The following LINGO2 variants were observed in gnomAD, a reference collection of about 807,000 sequenced individuals.
LINGO2 encodes leucine-rich repeat and immunoglobulin-like domain-containing nogo receptor-interacting protein 2.
Under a neutral mutation model 30.6 loss-of-function variants are expected in LINGO2, and 14 were observed. The ratio of observed to expected loss-of-function variants is 0.46; its 90% CI spans 0.30 to 0.72. The LOEUF (loss-of-function observed/expected upper bound fraction) is 0.72. Among genes scored for constraint, LINGO2 ranks in the 30% least tolerant of loss-of-function variants. The pLI is 0.07. For missense variants in LINGO2, 729 were observed against 751.7 expected, an observed-to-expected ratio of 0.97 and a Z score of 0.35; for synonymous variants, 317 against 288.5, an observed-to-expected ratio of 1.10 and a Z score of -1.00.
chr9:28,002,934 T>G (rs1055625930), intron 5 of LINGO2, among the ~76,000 whole-genome samples: 2 of 152,142 alleles, frequency 1.3e-5, no homozygotes, highest in African/African-American at 4.8e-5. Flanking sequence ...TGCCCTACAA[T>G]GGGATGGCAT....
the LINGO2 span, among the ~76,000 whole-genome samples, chr9:29,010,949 G>C: frequency 1.2e-4 from 18 of 152,228 alleles, no homozygotes; most frequent in African/African-American, 4.3e-4. Context: ...GTGTGATTCT[G>C]AGGCCGAACT....
chr9:28,305,947 T>C (rs1023010464), intron 3 of LINGO2, among the ~76,000 whole-genome samples: 2 of 152,088 alleles, frequency 1.3e-5, no homozygotes, highest in Admixed American at 1.3e-4. Flanking sequence ...AAAAGATCTC[T>C]CTCTAAATCA....
the LINGO2 span, among the ~76,000 whole-genome samples, chr9:28,731,220 C>T: frequency 6.6e-6 from 1 of 152,038 alleles, no homozygotes; most frequent in Admixed American, 6.5e-5. Flanking sequence ...AACTCCCAAC[C>T]TCAGGCGATC....
the LINGO2 span, among the ~76,000 whole-genome samples, chr9:29,117,361 G>C: frequency 6.6e-6 from 1 of 152,150 alleles, no homozygotes; most frequent in African/African-American, 2.4e-5. Context: ...GTGTAAGCAC[G>C]TATTTCCACC....
chr9:29,183,776 A>C, the LINGO2 span, among the ~76,000 whole-genome samples: 2 of 151,160 alleles, frequency 1.3e-5, no homozygotes, highest in Non-Finnish European at 2.9e-5. Context: ...TAGCTGTTTG[A>C]GATGCTACAC....
In LINGO2 at chr9:28,148,825, G is replaced by T. The variant is rs927241600; in HGVS notation, c.-86-136420C>A. 17 of 1,533,710 alleles carry T rather than the reference G, an allele frequency of 1.1e-5. No individual in the cohort carries two copies. The African/African-American group carries it at 2.2e-4, about 20-fold the overall frequency. ...GGCCAGAGAAGGCGGCCTTGAAGGT[G>T]CTGGGTAAAGACCACCTGCCCAGCT... On this transcript the variant is annotated intron_variant, in intron 4 of 5. Coordinates refer to ENST00000379992, the Ensembl canonical transcript of LINGO2. This position sits in a 1 kb window ranked among gnomAD's most constrained non-coding sequence, Gnocchi z 5.1.
intron 1 of LINGO2, among the ~76,000 whole-genome samples, chr9:28,624,485 T>A (rs1038413335): frequency 6.6e-6 from 1 of 152,140 alleles, no homozygotes; most frequent in Non-Finnish European, 1.5e-5. Context: ...GATTTGCGTA[T>A]GTTAAGACAT....
At chr9:29,018,350 G>T in the LINGO2 span, among the ~76,000 whole-genome samples, 2 of 151,656 alleles carry the variant, frequency 1.3e-5, no homozygotes, top group African/African-American at 4.8e-5. Flanking sequence ...CACCTATTTG[G>T]TATTATGCTC....
the LINGO2 span, among the ~76,000 whole-genome samples, chr9:28,695,255 A>C: frequency 1.3e-5 from 2 of 151,930 alleles, no homozygotes; most frequent in Non-Finnish European, 2.9e-5. Context: ...TTAAGTGATA[A>C]ACATATAAAG....
intron 4 of LINGO2, among the ~76,000 whole-genome samples, chr9:28,161,347 G>T (rs1828279791): frequency 6.6e-6 from 1 of 152,044 alleles, no homozygotes; most frequent in African/African-American, 2.4e-5. Flanking sequence ...GGTTGGCAAT[G>T]AAATTTTAGT....
At chr9:27,951,268 C>G (rs892617608) in intron 5 of LINGO2, among the ~76,000 whole-genome samples, 6 of 152,170 alleles carry the variant, frequency 3.9e-5, no homozygotes, top group African/African-American at 1.4e-4. Flanking sequence ...ACATTTTCTA[C>G]TTTTAACCTT....
the LINGO2 span, among the ~76,000 whole-genome samples, chr9:28,840,447 C>G: frequency 6.6e-6 from 1 of 151,822 alleles, no homozygotes; most frequent in Non-Finnish European, 1.5e-5. Flanking sequence ...TACACCATCA[C>G]CATAACTTAA....
At chr9:28,042,723 T>A (rs1034189969) in intron 4 of LINGO2, among the ~76,000 whole-genome samples, 1 of 152,190 alleles carries the variant, frequency 6.6e-6, no homozygotes, top group Non-Finnish European at 1.5e-5. Flanking sequence ...CTTGCTTCAT[T>A]CATGTTCTGC....
chr9:29,204,712 T>C, the LINGO2 span, among the ~76,000 whole-genome samples: 1 of 152,198 alleles, frequency 6.6e-6, no homozygotes, highest in Non-Finnish European at 1.5e-5. Flanking sequence ...ATTTTCCTAT[T>C]GGACATTTGG....
intron 4 of LINGO2, among the ~76,000 whole-genome samples, chr9:28,065,170 T>G (rs1825274476): frequency 6.6e-6 from 1 of 151,710 alleles, no homozygotes; most frequent in East Asian, 1.9e-4. Context: ...GATCAAACTG[T>G]TGGTTTTTCT....
chr9:28,833,699 G>GA, the LINGO2 span, among the ~76,000 whole-genome samples: 1 of 152,114 alleles, frequency 6.6e-6, no homozygotes, highest in Non-Finnish European at 1.5e-5. Context: ...GAGTTTGTAG[G>GA]ATTATTAAAA....
At position 28,048,318 on chromosome 9, in the gene LINGO2, A is replaced by T. The variant is rs893061538; in HGVS notation, c.-86-35913T>A. ...TACTAAGTGAAAACATTGTAATTAA[A>T]TTTTTTGTATAACAATAACTAAAAT... On this transcript the variant is annotated intron_variant, in intron 4 of 5. Transcript: ENST00000379992. Among the ~76,000 whole-genome samples the T allele has an allele frequency of 7.9e-5, 12 of 151,140 alleles. No homozygotes were observed. The South Asian group carries it at 2.3e-3, about 29-fold the overall frequency.
chr9:27,960,614 CTTTTTT>C (rs540319420), intron 5 of LINGO2, among the ~76,000 whole-genome samples: 7,860 of 122,314 alleles, frequency 0.064, 701 homozygotes, highest in African/African-American at 0.2. Flanking sequence ...TGTGGTATAT[CTTTTTT>C]TTTTTTTTTT....
At chr9:28,995,094 G>C in the LINGO2 span, among the ~76,000 whole-genome samples, 1 of 151,864 alleles carries the variant, frequency 6.6e-6, no homozygotes, top group East Asian at 1.9e-4. Context: ...CCTACAAAAT[G>C]GGAGAAAATT....
Sources: allele counts gnomAD v4.1 joint callset (sites outside exome capture counted in the v4.1 genomes callset), GRCh38; gene constraint gnomAD v4.1.1; non-coding constraint Gnocchi (gnomAD v3.1); transcripts MANE v1.5; gene names NCBI Gene and HGNC (gene_info 2026-07-23, HGNC 2026-07-21).